Variants in SANBR observed in about 807,000 individuals in gnomAD.
SANBR encodes SANT and BTB domain regulator of class switch recombination.
In SANBR, 77 loss-of-function variants were observed where a neutral mutation model predicts 101.8. That is an observed-to-expected ratio of 0.76 (90% CI 0.63 to 0.91). The LOEUF (loss-of-function observed/expected upper bound fraction) is 0.91, where lower values mean the gene tolerates loss of function less well. SANBR is among the 40% of genes least tolerant of loss of function. The pLI, the probability that SANBR is intolerant of heterozygous loss-of-function variation, is 0.00. For synonymous variants in SANBR, 279 were observed against 274.7 expected (o/e 1.02, Z -0.15); for missense variants, 875 against 853.0 (o/e 1.03, Z -0.32).
chr2:61,127,430 G>T (rs1465990828), downstream of SANBR, among the ~76,000 whole-genome samples: 2 of 152,168 alleles, frequency 1.3e-5, no homozygotes, highest in African/African-American at 4.8e-5. Context: ...GGTGAATTCT[G>T]CTGAAATCTG....
Position 61,121,187 on chromosome 2 carries a change from T to A in SANBR, c.2031T>A (p.Phe677Leu). ...AGTATTGCTTCTTTATTCTGCAGTTTGCAGGAGGTATTTATTCCAGGCTGG... is the reference window on the plus strand; with the variant it reads ...AGTATTGCTTCTTTATTCTGCAGTTAGCAGGAGGTATTTATTCCAGGCTGG... ...DRVKSKEAKEFAGGIYSRLEA... is the reference protein window; with the variant it reads ...DRVKSKEAKELAGGIYSRLEA... The change falls in exon 21 of 22, where the codon TTT becomes TTA. Residue 677 changes from phenylalanine (F) to leucine (L), a missense_variant and splice_region_variant. Physicochemically the swap from Phe to Leu is conservative, Grantham distance 22. Transcript: ENST00000402291. 6.5e-7 allele frequency: 1 copy of A among 1,549,796 alleles called. No homozygotes were observed. The highest frequency in any genetic ancestry group is 8.7e-7 in the Non-Finnish European group (1 of 1,145,368).
At position 61,111,685 on chromosome 2, in the gene SANBR, T is replaced by C. The variant is rs764319990; in HGVS notation, c.1744+2389T>C. The stretch of plus-strand genomic sequence containing the variant: ...AAATCTAGAACATCATTTCAAAAAG[T>C]TCCTTCGTCCCCCTTTGTACTCAGT... On this transcript the variant is annotated intron_variant, in intron 16 of 21. Transcript: ENST00000402291. Among the ~76,000 whole-genome samples, 21 of 152,320 alleles carry C rather than the reference T, an allele frequency of 1.4e-4. No individual in the cohort carries two copies. In the South Asian group the frequency reaches 1.7e-3, roughly 12 times the overall value.
chr2:61,083,457 T>G, intron 8 of SANBR, 143 bp downstream of exon 8: 1 of 619,438 alleles, frequency 1.6e-6, no homozygotes, highest in Non-Finnish European at 2.7e-6. Context: ...AGTGCAGTGG[T>G]GCAATCTTGG....
At chr2:61,130,514 TCAACATACGCTAGCACAATCCAG>T (rs1404790689) in intron 20 of SANBR, among the ~76,000 whole-genome samples, 4 of 152,090 alleles carry the variant, frequency 2.6e-5, no homozygotes, top group Non-Finnish European at 5.9e-5. Flanking sequence ...GCAAAAATCC[TCAACATACGCTAGCACAATCCAG>T]CAACATACAA....
intron 6 of SANBR, among the ~76,000 whole-genome samples, chr2:61,081,129 C>T: frequency 1.3e-5 from 2 of 152,168 alleles, no homozygotes; most frequent in South Asian, 4.2e-4. Flanking sequence ...TTTTCTATTA[C>T]TTGTATATGC....
At chr2:61,071,856 C>A in intron 4 of SANBR, 64 bp downstream of exon 4, 2 of 980,544 alleles carry the variant, frequency 2.0e-6, no homozygotes, top group Non-Finnish European at 1.5e-6. Context: ...ATTATATATT[C>A]CAATCAACTT....
At chr2:61,069,452 T>C (rs1275572619) in intron 2 of SANBR, among the ~76,000 whole-genome samples, 1 of 152,206 alleles carries the variant, frequency 6.6e-6, no homozygotes, top group Non-Finnish European at 1.5e-5. Flanking sequence ...CTGTGTACGC[T>C]GCCTTTTCCA....
At chr2:61,128,338 C>T (rs1684577405), downstream of SANBR, among the ~76,000 whole-genome samples, 1 of 151,426 alleles carries the variant, frequency 6.6e-6, no homozygotes, top group Non-Finnish European at 1.5e-5. Flanking sequence ...GACTTCTCAT[C>T]AGACGCAGTG....
At chr2:61,111,578 TTA>T (rs1410040191) in intron 16 of SANBR, among the ~76,000 whole-genome samples, 2 of 152,232 alleles carry the variant, frequency 1.3e-5, no homozygotes, top group Non-Finnish European at 2.9e-5. Context: ...GAGGTATAAG[TTA>T]TATGTTACAA....
intron 12 of SANBR, among the ~76,000 whole-genome samples, chr2:61,102,236 C>T (rs1260242204): frequency 2.6e-5 from 4 of 151,404 alleles, no homozygotes; most frequent in Admixed American, 6.6e-5. Flanking sequence ...ATTAGCTGGG[C>T]GTGGTGGTGT....
In SANBR at chr2:61,122,793, A is replaced by C; in HGVS notation, c.*631A>C. On this transcript the variant is annotated 3_prime_UTR_variant, in exon 22 of 22. Transcript: ENST00000402291. ...TGTTAATCCAACTTTTTTTTCTTTCAGTTTTTAATGCTTATCTATTGATCA... is the reference window on the plus strand; with the variant it reads ...TGTTAATCCAACTTTTTTTTCTTTCCGTTTTTAATGCTTATCTATTGATCA... 1.0e-6 allele frequency: 1 copy of C among 985,302 alleles called. No homozygotes were observed. 61.0% of individuals were successfully genotyped at this position (985,302 alleles called of 1,614,324 possible).
chr2:61,088,599 A>C, intron 10 of SANBR, 131 bp downstream of exon 10: 1 of 521,270 alleles, frequency 1.9e-6, no homozygotes, highest in Non-Finnish European at 3.1e-6. Context: ...GGCTGACTGC[A>C]ACCTTCCGCC....
At chr2:61,074,029 TAA>T (rs1681626861) in intron 5 of SANBR, among the ~76,000 whole-genome samples, 1 of 152,190 alleles carries the variant, frequency 6.6e-6, no homozygotes, top group South Asian at 2.1e-4. Flanking sequence ...TGAATATTGT[TAA>T]GTGTTCACTT....
At chr2:61,133,491 G>A (rs1684751034) in intron 20 of SANBR, among the ~76,000 whole-genome samples, 1 of 151,974 alleles carries the variant, frequency 6.6e-6, no homozygotes, top group South Asian at 2.1e-4. Context: ...GGTGGCTCAT[G>A]CCTGTAATCC....
At chr2:61,067,326 A>G (rs1450879855) in intron 1 of SANBR, among the ~76,000 whole-genome samples, 1 of 152,222 alleles carries the variant, frequency 6.6e-6, no homozygotes, top group Non-Finnish European at 1.5e-5. Context: ...GACGTGGGTA[A>G]TATTTTTGAA....
intron 16 of SANBR, among the ~76,000 whole-genome samples, chr2:61,112,871 T>C (rs1256649780): frequency 6.6e-6 from 1 of 152,240 alleles, no homozygotes; most frequent in Admixed American, 6.5e-5. Context: ...TTCCTTTTTA[T>C]GTTCCATTAT....
intron 3 of SANBR, among the ~76,000 whole-genome samples, 153 bp from the exon 4 acceptor site, chr2:61,071,453 G>A (rs1681463361): frequency 6.6e-6 from 1 of 151,952 alleles, no homozygotes; most frequent in Non-Finnish European, 1.5e-5. Context: ...AGGAGGCTGA[G>A]GCAGGAGAAT....
At chr2:61,108,391 T>G in intron 15 of SANBR, 42 bp downstream of exon 15, 1 of 1,377,236 alleles carries the variant, frequency 7.3e-7, no homozygotes. Context: ...ATCTCTTTCT[T>G]CCTAAATTAA....
chr2:61,118,088 A>T lies in SANBR; in HGVS notation c.2000A>T (p.Asp667Val). 5.6e-6 allele frequency: 9 copies of T among 1,613,670 alleles called. No individual in the cohort carries two copies. The highest frequency in any genetic ancestry group is 7.6e-6 in the Non-Finnish European group (9 of 1,179,724). ...HLIKMRLGDL[D>V]RVKSKEAKEF... Reference sequence around the variant, plus strand: ...ATAAAAATGAGATTGGGGGATCTGGACCGAGTCAAGTCAAAGGAAGCAAAA... The same window carrying T: ...ATAAAAATGAGATTGGGGGATCTGGTCCGAGTCAAGTCAAAGGAAGCAAAA... Residue 667 changes from aspartate to valine, a missense_variant, in exon 20 of 22, where the codon GAC becomes GTC. Coordinates refer to ENST00000402291, the MANE Select transcript of SANBR (RefSeq NM_001129993.3).
Sources: gnomAD v4.1 joint callset for allele counts (sites outside exome capture counted in the v4.1 genomes callset) on GRCh38, gnomAD v4.1.1 for gene constraint, MANE v1.5 for transcripts, NCBI Gene and HGNC (gene_info 2026-07-23, HGNC 2026-07-21) for gene names.